The following TANC1 variants were observed in gnomAD, a reference collection of about 807,000 sequenced individuals.
TANC1 encodes protein TANC1.
In TANC1, 77 loss-of-function variants were observed where a neutral mutation model predicts 149.7. That is an observed-to-expected ratio of 0.51 (90% CI 0.43 to 0.62). The LOEUF (loss-of-function observed/expected upper bound fraction) is 0.62. Ranked by LOEUF, TANC1 falls within the 20% of genes least tolerant of loss-of-function variation. The pLI is 0.00. For missense variants in TANC1, 1,985 were observed against 2,321.8 expected (o/e 0.85, Z 2.98); for synonymous variants, 854 against 925.0 (o/e 0.92, Z 1.39).
chr2:159,100,561 C>T (rs1166627536), intron 4 of TANC1, among the ~76,000 whole-genome samples: 1 of 152,172 alleles, frequency 6.6e-6, no homozygotes, highest in Admixed American at 6.6e-5. Context: ...TTGGGATGTT[C>T]TCTCTATTAG....
intron 8 of TANC1, among the ~76,000 whole-genome samples, chr2:159,164,625 G>A (rs929162068): frequency 6.6e-6 from 1 of 152,210 alleles, no homozygotes; most frequent in African/African-American, 2.4e-5. Context: ...TTTGTTATCA[G>A]TGTAGCACTT....
rs558508756 is a variant in TANC1, at chr2:159,094,730, C to G, written c.62-2907C>G. On this transcript the variant is annotated intron_variant, in intron 3 of 26. Transcript: ENST00000263635. ...GGGGATTGGTGACAATGGTATCTTA[C>G]AGTGCTAGCTAGCAAAAGAGGGTGG... Among the ~76,000 whole-genome samples, 23 of 138,756 alleles carry G rather than the reference C, an allele frequency of 1.7e-4. 1 individual carries two copies. The South Asian group carries it at 4.8e-3, about 29-fold the overall frequency. 91.0% of individuals were successfully genotyped at this position (138,756 alleles called of 152,430 possible).
At chr2:159,025,025 T>G (rs1033693624) in intron 2 of TANC1, among the ~76,000 whole-genome samples, 1 of 152,166 alleles carries the variant, frequency 6.6e-6, no homozygotes, top group African/African-American at 2.4e-5. Context: ...TCCCCATCAT[T>G]AAGCCACCTA....
At chr2:159,177,423 C>A (rs867209680) in intron 13 of TANC1, among the ~76,000 whole-genome samples, 23 of 151,988 alleles carry the variant, frequency 1.5e-4, no homozygotes, top group Non-Finnish European at 3.1e-4. Flanking sequence ...TTGATTTTTG[C>A]CCTTTTATGA....
intron 12 of TANC1, among the ~76,000 whole-genome samples, chr2:159,175,895 C>T (rs1381589868): frequency 2.0e-5 from 3 of 152,180 alleles, no homozygotes; most frequent in African/African-American, 7.2e-5. Flanking sequence ...GGAGCTCTCA[C>T]GCTGTGTTGG....
At chr2:159,018,656 C>A (rs1251790875) in intron 2 of TANC1, among the ~76,000 whole-genome samples, 2 of 152,174 alleles carry the variant, frequency 1.3e-5, no homozygotes, top group African/African-American at 4.8e-5. Flanking sequence ...TCCATTTCTC[C>A]TTCCCTCAGC....
At chr2:159,013,595 T>A (rs1222496609) in intron 2 of TANC1, among the ~76,000 whole-genome samples, 1 of 152,136 alleles carries the variant, frequency 6.6e-6, no homozygotes, top group African/African-American at 2.4e-5. Flanking sequence ...GTTTTAGATT[T>A]CTCCCGTAAC....
At chr2:158,991,892 G>T (rs967758292) in intron 1 of TANC1, among the ~76,000 whole-genome samples, 1 of 152,142 alleles carries the variant, frequency 6.6e-6, no homozygotes, top group Non-Finnish European at 1.5e-5. Context: ...ATTATTTCAT[G>T]CTCTGACAAT....
intron 2 of TANC1, among the ~76,000 whole-genome samples, chr2:159,035,914 C>T (rs1265881419): frequency 2.6e-5 from 4 of 152,130 alleles, no homozygotes; most frequent in African/African-American, 4.8e-5. Context: ...TGTACATGAC[C>T]TGTTAGATTT....
intron 4 of TANC1, among the ~76,000 whole-genome samples, chr2:159,101,134 C>T (rs1404081220): frequency 6.6e-6 from 1 of 152,166 alleles, no homozygotes. Flanking sequence ...ATGCCCCCCA[C>T]CCCTGCCAAT....
intron 4 of TANC1, among the ~76,000 whole-genome samples, chr2:159,125,868 G>A (rs563320611): frequency 6.6e-6 from 1 of 152,250 alleles, no homozygotes; most frequent in East Asian, 1.9e-4. Context: ...GATTACAGGC[G>A]TGAGCTGTTG....
intron 14 of TANC1, among the ~76,000 whole-genome samples, chr2:159,181,515 T>A (rs1181604533): frequency 6.6e-6 from 1 of 152,220 alleles, no homozygotes; most frequent in Admixed American, 6.5e-5. Flanking sequence ...GCCAGGATGG[T>A]CTCAATCTCC....
At chr2:159,076,642 A>G in intron 3 of TANC1, among the ~76,000 whole-genome samples, 1 of 152,226 alleles carries the variant, frequency 6.6e-6, no homozygotes, top group Non-Finnish European at 1.5e-5. Context: ...TATTATGTGT[A>G]GAGATTCTTT....
chr2:159,164,373 T>A (rs886421728), intron 8 of TANC1, among the ~76,000 whole-genome samples: 1 of 152,170 alleles, frequency 6.6e-6, no homozygotes, highest in Non-Finnish European at 1.5e-5. Flanking sequence ...TAGGAGGATG[T>A]TTGTAGGTTA....
chr2:159,031,899 C>T (rs2039811227), intron 2 of TANC1, among the ~76,000 whole-genome samples: 1 of 152,146 alleles, frequency 6.6e-6, no homozygotes, highest in Non-Finnish European at 1.5e-5. Context: ...CTGAAGCTTG[C>T]CTTATTGATC....
intron 18 of TANC1, 76 bp downstream of exon 18, chr2:159,196,869 C>T (rs1402614519): frequency 2.7e-5 from 38 of 1,382,716 alleles, no homozygotes; most frequent in South Asian, 5.2e-5. Flanking sequence ...ACTGAAGGAC[C>T]GAAAGAAGGA....
In TANC1 at chr2:159,013,996, C is replaced by T. The variant is rs183634472; in HGVS notation, c.-16+12807C>T. ...TGTCTGTGCCTATGTCCAAATTTCT[C>T]CTTTTTAAAAAGACACCAGTTAAAT... On this transcript the variant is annotated intron_variant, in intron 2 of 26. Transcript: ENST00000263635. 2.5e-3 allele frequency among the ~76,000 whole-genome samples: 376 copies of T among 152,214 alleles called. 1 individual carries two copies. The highest frequency in any genetic ancestry group is 4.8e-3 in the Admixed American group (74 of 15,280).
At chr2:159,196,814 C>T in intron 18 of TANC1, 21 bp downstream of exon 18, 2 of 1,586,490 alleles carry the variant, frequency 1.3e-6, no homozygotes, top group Non-Finnish European at 1.7e-6. Flanking sequence ...CAGGGGTTTC[C>T]CTCCTGGGAA....
Position 159,228,315 on chromosome 2 carries a change from G to T in TANC1, c.4050+350G>T, listed in dbSNP as rs989861166. Reference sequence around the variant, plus strand: ...AACCCAAGCCTATTGTGGTGGGCCTGCCTTCTGTGTTAGGTTTGCTCAGAG... The same window carrying T: ...AACCCAAGCCTATTGTGGTGGGCCTTCCTTCTGTGTTAGGTTTGCTCAGAG... On this transcript the variant is annotated intron_variant, in intron 25 of 26. Coordinates refer to ENST00000263635, the MANE Select transcript of TANC1 (RefSeq NM_033394.3). The T allele has an allele frequency of 3.8e-5, 11 of 288,304 alleles. No individual in the cohort carries two copies. In the East Asian group the frequency reaches 9.2e-4, roughly 24 times the overall value. The allele number at this position is 288,304 out of a possible 1,614,324, so 17.9% of individuals were successfully genotyped here. A position where few individuals can be genotyped will look rare whatever the true frequency, so the allele number is the denominator to read the frequency against.
Sources: allele counts gnomAD v4.1 joint callset (sites outside exome capture counted in the v4.1 genomes callset), GRCh38; gene constraint gnomAD v4.1.1; transcripts MANE v1.5; gene names NCBI Gene and HGNC (gene_info 2026-07-23, HGNC 2026-07-21).